AP1S3: variants seen among roughly 807,000 people sequenced by gnomAD.
AP1S3 encodes AP-1 complex subunit sigma-3.
Under a neutral mutation model 20.9 loss-of-function variants are expected in AP1S3, and 10 were observed. That is an observed-to-expected ratio of 0.48 (90% CI 0.29 to 0.81). The LOEUF (loss-of-function observed/expected upper bound fraction) is 0.81, where lower values mean the gene tolerates loss of function less well. Among genes scored for constraint, AP1S3 ranks in the 30% least tolerant of loss-of-function variants. The pLI, the probability that AP1S3 is intolerant of heterozygous loss-of-function variation, is 0.08. For missense variants in AP1S3, 154 were observed against 183.8 expected (o/e 0.84, Z 0.94); for synonymous variants, 41 against 61.5 (o/e 0.67, Z 1.56).
intron 3 of AP1S3, among the ~76,000 whole-genome samples, chr2:223,766,209 C>G (rs1690474782): frequency 6.6e-6 from 1 of 152,196 alleles, no homozygotes; most frequent in South Asian, 2.1e-4. Flanking sequence ...CATTGAGTCT[C>G]CAGACTGCAT....
chr2:223,780,912 A>T (rs2106094407), intron 1 of AP1S3, among the ~76,000 whole-genome samples: 1 of 151,922 alleles, frequency 6.6e-6, no homozygotes, highest in East Asian at 1.9e-4. Context: ...TATAGTACTT[A>T]AGTTAGTTTC....
chr2:223,781,643 T>C (rs1345463680), intron 1 of AP1S3, among the ~76,000 whole-genome samples: 1 of 152,132 alleles, frequency 6.6e-6, no homozygotes, highest in African/African-American at 2.4e-5. Flanking sequence ...GAGAATTCTA[T>C]TCAGAAGGGT....
intron 4 of AP1S3, among the ~76,000 whole-genome samples, chr2:223,764,131 C>G (rs1463174005): frequency 1.3e-5 from 2 of 152,156 alleles, no homozygotes; most frequent in African/African-American, 4.8e-5. Flanking sequence ...ATTGGCCAGG[C>G]TGGTCTTGAA....
chr2:223,773,625 T>C (rs1690683664), intron 3 of AP1S3, among the ~76,000 whole-genome samples: 1 of 152,108 alleles, frequency 6.6e-6, no homozygotes, highest in Admixed American at 6.6e-5. Context: ...GGAGGAAAAA[T>C]TCTTTCAGAA....
At chr2:223,767,358 T>C (rs1690510255) in intron 3 of AP1S3, among the ~76,000 whole-genome samples, 1 of 152,184 alleles carries the variant, frequency 6.6e-6, no homozygotes, top group East Asian at 1.9e-4. Flanking sequence ...CTATCTCTGA[T>C]AATTCCTTCT....
At chr2:223,837,103 G>T (rs924751951) in intron 1 of AP1S3, among the ~76,000 whole-genome samples, 9 of 152,088 alleles carry the variant, frequency 5.9e-5, no homozygotes, top group African/African-American at 1.9e-4. Flanking sequence ...CCTCCTGGAA[G>T]GTAAGCTTCC....
In AP1S3 at chr2:223,758,167, C is replaced by A. The variant is rs1010407712; in HGVS notation, c.*548G>T. 7 of 980,410 alleles carry A rather than the reference C, an allele frequency of 7.1e-6. No individual in the cohort carries two copies. Among genetic ancestry groups the A allele is most frequent in the Non-Finnish European group, 8.5e-6 (7 of 825,104 alleles). 60.7% of individuals were successfully genotyped at this position (980,410 alleles called of 1,614,324 possible). ...CTAAAAAAAATAAATGAATTCAGCA[C>A]ATTAAAATCAGACATTTTGTATGTG... On this transcript the variant is annotated 3_prime_UTR_variant, in exon 5 of 5. Coordinates refer to ENST00000396654, the MANE Select transcript of AP1S3 (RefSeq NM_001039569.2).
chr2:223,766,853 A>G (rs1028600722), intron 3 of AP1S3, among the ~76,000 whole-genome samples: 2 of 152,196 alleles, frequency 1.3e-5, no homozygotes, highest in African/African-American at 2.4e-5. Flanking sequence ...GGACATATAC[A>G]CCATGGAATA....
intron 1 of AP1S3, among the ~76,000 whole-genome samples, chr2:223,809,085 C>A (rs1189181055): frequency 1.3e-5 from 2 of 152,232 alleles, no homozygotes; most frequent in Non-Finnish European, 2.9e-5. Flanking sequence ...TGCTCCCTTA[C>A]AATCTGTTAT....
chr2:223,796,443 C>T (rs147665099), intron 1 of AP1S3, among the ~76,000 whole-genome samples: 162 of 152,236 alleles, frequency 1.1e-3, no homozygotes, highest in African/African-American at 3.5e-3. Flanking sequence ...TCTCCTTAAT[C>T]GCCTGGTCTC....
chr2:223,815,098 G>A (rs536395893), intron 1 of AP1S3, among the ~76,000 whole-genome samples: 1 of 152,316 alleles, frequency 6.6e-6, no homozygotes, highest in African/African-American at 2.4e-5. Flanking sequence ...AAATAAATGT[G>A]ATTTAGTATT....
chr2:223,772,551 G>A (rs1442163154), intron 3 of AP1S3, among the ~76,000 whole-genome samples: 1 of 152,086 alleles, frequency 6.6e-6, no homozygotes, highest in East Asian at 1.9e-4. Flanking sequence ...GAGACTTTGA[G>A]GCATTTCCTC....
intron 1 of AP1S3, among the ~76,000 whole-genome samples, chr2:223,806,277 ATTTTTTTT>A (rs144953846): frequency 2.7e-5 from 3 of 111,058 alleles, no homozygotes; most frequent in South Asian, 2.8e-4. Flanking sequence ...AAACAAAGGA[ATTTTTTTT>A]TTTTTTTTTT....
At chr2:223,831,499 G>A (rs898380701) in intron 1 of AP1S3, among the ~76,000 whole-genome samples, 2 of 152,174 alleles carry the variant, frequency 1.3e-5, no homozygotes, top group African/African-American at 2.4e-5. Flanking sequence ...GAGAATTTAG[G>A]AGCATTTGCC....
intron 1 of AP1S3, among the ~76,000 whole-genome samples, chr2:223,781,081 C>T (rs1269705779): frequency 2.0e-5 from 3 of 151,990 alleles, no homozygotes; most frequent in African/African-American, 4.8e-5. Context: ...GGATAACGGC[C>T]TCCAGCTGCA....
chr2:223,756,098 G>A lies in AP1S3; in HGVS notation c.*2617C>T. On this transcript the variant is annotated 3_prime_UTR_variant, in exon 5 of 5. Coordinates refer to ENST00000396654, the MANE Select transcript of AP1S3 (RefSeq NM_001039569.2). ...TCATGCCTGTAATTCCAGCACTTTGGAAGGCCAAGGCGGGCGGATCACCTG... is the reference window on the plus strand; with the variant it reads ...TCATGCCTGTAATTCCAGCACTTTGAAAGGCCAAGGCGGGCGGATCACCTG... The A allele has an allele frequency of 2.1e-6, 2 of 967,906 alleles. No individual in the cohort carries two copies. The highest frequency in any genetic ancestry group is 9.6e-5 in the South Asian group (2 of 20,912). The allele number at this position is 967,906 out of a possible 1,614,324, so 60.0% of individuals were successfully genotyped here. A position where few individuals can be genotyped will look rare whatever the true frequency, so the allele number is the denominator to read the frequency against.
rs145446144 is a variant in AP1S3 at position 223,799,028 on chromosome 2, G to A, written c.4-21159C>T. Among the ~76,000 whole-genome samples, 211 of 152,234 alleles carry A rather than the reference G, an allele frequency of 1.4e-3. 2 individuals are homozygous for A. The East Asian group carries it at 0.031, about 22-fold the overall frequency. ...CGGAGGTTGCATGGAGCGAGATTGC[G>A]CCACTGCACTCCAGCCTGGGCAACA... On this transcript the variant is annotated intron_variant, in intron 1 of 4. Coordinates refer to ENST00000396654, the MANE Select transcript of AP1S3 (RefSeq NM_001039569.2).
intron 1 of AP1S3, among the ~76,000 whole-genome samples, chr2:223,810,060 C>G (rs913364290): frequency 6.6e-6 from 1 of 152,020 alleles, no homozygotes; most frequent in African/African-American, 2.4e-5. Context: ...TTATTCTACA[C>G]TCTACAATAT....
intron 1 of AP1S3, among the ~76,000 whole-genome samples, chr2:223,812,369 G>A (rs1691751661): frequency 6.6e-6 from 1 of 152,074 alleles, no homozygotes; most frequent in Admixed American, 6.6e-5. Context: ...TTATAGGCAC[G>A]CGCCACCACG....
Sources: allele counts gnomAD v4.1 joint callset (sites outside exome capture counted in the v4.1 genomes callset), GRCh38; gene constraint gnomAD v4.1.1; transcripts MANE v1.5; gene names NCBI Gene and HGNC (gene_info 2026-07-23, HGNC 2026-07-21).